MAPK8: variants seen among roughly 807,000 people sequenced by gnomAD.
The protein encoded by MAPK8 is mitogen-activated protein kinase 8, also known as JUN N-terminal kinase.
In MAPK8, 13 loss-of-function variants were observed where a neutral mutation model predicts 52.9. The observed-to-expected ratio is 0.25, with a 90% CI of 0.16 to 0.39. MAPK8 has a LOEUF of 0.39. Ranked by LOEUF, MAPK8 falls within the 10% of genes least tolerant of loss-of-function variation. The probability of loss-of-function intolerance (pLI) is 1.00; values close to 1 mark genes in which losing one functional copy is unlikely to be tolerated. For missense variants in MAPK8, 300 were observed against 519.2 expected, an observed-to-expected ratio of 0.58 and a Z score of 4.10; for synonymous variants, 191 against 169.8, an observed-to-expected ratio of 1.12 and a Z score of -0.97.
In MAPK8 at chr10:48,331,467, A is replaced by G. The variant is rs564652056; in HGVS notation, c.-50+24646A>G. Among the ~76,000 whole-genome samples, 112 of 152,298 alleles carry G rather than the reference A, an allele frequency of 7.4e-4. 1 individual carries two copies. The highest frequency in any genetic ancestry group is 1.4e-3 in the Non-Finnish European group (93 of 68,018). On this transcript the variant is annotated intron_variant, in intron 1 of 11. Transcript: ENST00000374189. ...TCAGAGTTAACTTTAAGGGTTCCTC[A>G]GTGCACTTTCCACTGGTCTTTTCCC...
intron 1 of MAPK8, among the ~76,000 whole-genome samples, chr10:48,339,287 C>T (rs143867704): frequency 1.3e-5 from 2 of 152,160 alleles, no homozygotes; most frequent in African/African-American, 4.8e-5. Flanking sequence ...AGCCACACAC[C>T]TGCTATGAAC....
In MAPK8 at chr10:48,415,230, A is replaced by C. The variant is rs144306907; in HGVS notation, c.451-4925A>C. On this transcript the variant is annotated intron_variant, in intron 5 of 11. Transcript: ENST00000374189. ...GTATGTGAAGTAGAGCAGACGAGTG[A>C]AACTTCTAGGTTTGGGTTGTTTGTT... Among the ~76,000 whole-genome samples the C allele has an allele frequency of 5.9e-5, 9 of 152,332 alleles. No homozygotes were observed. The East Asian group carries it at 1.7e-3, about 29-fold the overall frequency.
chr10:48,399,392 G>A (rs961787164), intron 1 of MAPK8, among the ~76,000 whole-genome samples: 4 of 152,182 alleles, frequency 2.6e-5, no homozygotes, highest in African/African-American at 9.7e-5. Context: ...TCTGCCAAGG[G>A]TACTACTAGC....
chr10:48,317,776 A>G (rs944456686), intron 1 of MAPK8, among the ~76,000 whole-genome samples: 1 of 152,132 alleles, frequency 6.6e-6, no homozygotes, highest in South Asian at 2.1e-4. Flanking sequence ...CCTGGCTTTC[A>G]TCTTCTCTGT....
chr10:48,393,415 A>G (rs1372720103), intron 1 of MAPK8, among the ~76,000 whole-genome samples: 1 of 152,116 alleles, frequency 6.6e-6, no homozygotes, highest in East Asian at 1.9e-4. Flanking sequence ...TTACATTGTA[A>G]CCATAGTCAA....
chr10:48,328,325 C>A (rs987112246), intron 1 of MAPK8, among the ~76,000 whole-genome samples: 3 of 150,438 alleles, frequency 2.0e-5, no homozygotes, highest in African/African-American at 7.3e-5. Context: ...TTGTATTTTC[C>A]TGTTTTTAAT....
intron 1 of MAPK8, among the ~76,000 whole-genome samples, chr10:48,349,493 A>G (rs1038042392): frequency 1.3e-5 from 2 of 152,230 alleles, no homozygotes; most frequent in Non-Finnish European, 2.9e-5. Flanking sequence ...ACTACATGGA[A>G]ACCGAACAAC....
chr10:48,418,386 C>G (rs546598893), intron 5 of MAPK8, among the ~76,000 whole-genome samples: 1 of 152,128 alleles, frequency 6.6e-6, no homozygotes, highest in Non-Finnish European at 1.5e-5. Context: ...TGGCTTAGCA[C>G]GACTCAGGCT....
chr10:48,359,588 G>A (rs1364537202), intron 1 of MAPK8, among the ~76,000 whole-genome samples: 1 of 152,136 alleles, frequency 6.6e-6, no homozygotes, highest in Non-Finnish European at 1.5e-5. Context: ...ACAGTGGAAA[G>A]AATAGAGTAC....
At chr10:48,373,101 A>T (rs920985030) in intron 1 of MAPK8, among the ~76,000 whole-genome samples, 1 of 152,146 alleles carries the variant, frequency 6.6e-6, no homozygotes, top group Non-Finnish European at 1.5e-5. Flanking sequence ...TAAAGAAAAG[A>T]ATTTTCAATC....
intron 3 of MAPK8, among the ~76,000 whole-genome samples, chr10:48,407,757 C>T (rs975416596): frequency 6.6e-6 from 1 of 152,076 alleles, no homozygotes; most frequent in Non-Finnish European, 1.5e-5. Flanking sequence ...ATCTTTTATC[C>T]TTTAGCTGTC....
chr10:48,396,133 T>A (rs1202819276), intron 1 of MAPK8, among the ~76,000 whole-genome samples: 1 of 152,040 alleles, frequency 6.6e-6, no homozygotes, highest in Non-Finnish European at 1.5e-5. Context: ...TTTTACTCTG[T>A]GAAAGACACT....
At chr10:48,428,714 G>T (rs1162656409) in intron 10 of MAPK8, among the ~76,000 whole-genome samples, 1 of 152,164 alleles carries the variant, frequency 6.6e-6, no homozygotes, top group African/African-American at 2.4e-5. Flanking sequence ...ATATAGCTCT[G>T]TACTGAGTAT....
At chr10:48,331,547 C>A (rs1844150226) in intron 1 of MAPK8, among the ~76,000 whole-genome samples, 3 of 152,276 alleles carry the variant, frequency 2.0e-5, no homozygotes, top group East Asian at 3.9e-4. Context: ...GTGAGTCCAC[C>A]CCTGTTCAGC....
At chr10:48,397,930 A>G (rs1267246237) in intron 1 of MAPK8, among the ~76,000 whole-genome samples, 1 of 152,172 alleles carries the variant, frequency 6.6e-6, no homozygotes, top group African/African-American at 2.4e-5. Context: ...AGGTTATACT[A>G]ATATAAAGTA....
rs2042172785 is a variant in MAPK8, at chr10:48,401,794, C to T, written c.122+12C>T. 1 of 1,406,072 alleles carries T rather than the reference C, an allele frequency of 7.1e-7. No individual in the cohort carries two copies. Among genetic ancestry groups the T allele is most frequent in the Admixed American group, 2.8e-5 (1 of 36,158 alleles). The allele number at this position is 1,406,072 out of a possible 1,614,324, so 87.1% of individuals were successfully genotyped here. A position where few individuals can be genotyped will look rare whatever the true frequency, so the allele number is the denominator to read the frequency against. ...CAAGGAATAGTATGGTAAGTGTTTA[C>T]TTCCAAAAATTAGGCAAAGAATCAT... is the stretch of plus-strand genomic sequence containing the variant. On this transcript the variant is annotated intron_variant, in intron 2 of 11. Coordinates refer to ENST00000374189, the MANE Select transcript of MAPK8 (RefSeq NM_001323329.2).
At position 48,355,273 on chromosome 10, in the gene MAPK8, G is replaced by T. The variant is rs540317977; in HGVS notation, c.-49-46339G>T. On this transcript the variant is annotated intron_variant, in intron 1 of 11. Transcript: ENST00000374189. ...GCCTGTAATCCCAGCACTTTGGGAG[G>T]CCGAGGTGGGCGGATCACGAGGTCA... Among the ~76,000 whole-genome samples, 14 of 152,280 alleles carry T rather than the reference G, an allele frequency of 9.2e-5. No individual in the cohort carries two copies. In the East Asian group the frequency reaches 2.5e-3, roughly 27 times the overall value.
chr10:48,388,075 G>A lies in MAPK8; in HGVS notation c.-49-13537G>A, dbSNP rs190261586. Among the ~76,000 whole-genome samples, 146 of 152,248 alleles carry A rather than the reference G, an allele frequency of 9.6e-4. 2 individuals are homozygous for A. The highest frequency in any genetic ancestry group is 1.6e-4 in the Non-Finnish European group (11 of 68,006). On this transcript the variant is annotated intron_variant, in intron 1 of 11. Coordinates refer to ENST00000374189, the MANE Select transcript of MAPK8 (RefSeq NM_001323329.2). ...TGAAAGGCAAAAGGAAAGTATACAGGTGTTGTATATTCATTCAGCTTTAAA... is the reference window on the plus strand; with the variant it reads ...TGAAAGGCAAAAGGAAAGTATACAGATGTTGTATATTCATTCAGCTTTAAA...
chr10:48,368,100 G>A lies in MAPK8; in HGVS notation c.-49-33512G>A, dbSNP rs574304612. Among the ~76,000 whole-genome samples the A allele has an allele frequency of 6.6e-5, 10 of 152,298 alleles. No homozygotes were observed. In the South Asian group the frequency reaches 2.1e-3, roughly 32 times the overall value. ...AGATTGAAGTAGGACAGTGTCTAAG[G>A]AAATAAAAAGTAATTTATCAAGACA... On this transcript the variant is annotated intron_variant, in intron 1 of 11. Transcript: ENST00000374189.
Sources: allele counts gnomAD v4.1 joint callset (sites outside exome capture counted in the v4.1 genomes callset), GRCh38; gene constraint gnomAD v4.1.1; transcripts MANE v1.5; gene names NCBI Gene and HGNC (gene_info 2026-07-23, HGNC 2026-07-21).